The following MTOR variants were observed in gnomAD, a reference collection of about 807,000 sequenced individuals.
The protein encoded by MTOR is mechanistic target of rapamycin kinase, also known as serine/threonine-protein kinase mTOR.
A neutral mutation model predicts 319.8 loss-of-function variants in MTOR; 70 were observed. The ratio of observed to expected loss-of-function variants is 0.22; its 90% confidence interval spans 0.18 to 0.27. MTOR has a LOEUF of 0.27. MTOR is among the 10% of genes least tolerant of loss of function. The pLI, the probability that MTOR is intolerant of heterozygous loss-of-function variation, is 1.00. For missense variants in MTOR, 1,890 were observed against 3,274.4 expected, an observed-to-expected ratio of 0.58 and a Z score of 10.32; for synonymous variants, 1,183 against 1,211.4, an observed-to-expected ratio of 0.98 and a Z score of 0.49.
intron 29 of MTOR, among the ~76,000 whole-genome samples, chr1:11,163,480 A>G (rs1025455261): frequency 6.6e-6 from 1 of 152,230 alleles, no homozygotes; most frequent in Admixed American, 6.5e-5. Flanking sequence ...CAGAATATAC[A>G]TTCTTCTCAG....
At chr1:11,221,183 C>T (rs763235983) in intron 19 of MTOR, among the ~76,000 whole-genome samples, 14 of 151,796 alleles carry the variant, frequency 9.2e-5, no homozygotes, top group Non-Finnish European at 1.9e-4. Context: ...TTAGTAGAGA[C>T]GGGGTTTCGT....
At chr1:11,114,100 AT>A (rs1386899155) in intron 53 of MTOR, among the ~76,000 whole-genome samples, 2 of 152,170 alleles carry the variant, frequency 1.3e-5, no homozygotes, top group African/African-American at 4.8e-5. Context: ...TCTTTCCTTT[AT>A]AAATTACCCA....
At chr1:11,194,106 G>A (rs1030628288) in intron 28 of MTOR, among the ~76,000 whole-genome samples, 3 of 152,116 alleles carry the variant, frequency 2.0e-5, no homozygotes, top group African/African-American at 7.2e-5. Context: ...TACTGATACT[G>A]TTTGGGGACC....
intron 29 of MTOR, among the ~76,000 whole-genome samples, chr1:11,166,217 A>C (rs1022441898): frequency 6.6e-6 from 1 of 152,360 alleles, no homozygotes; most frequent in African/African-American, 2.4e-5. Flanking sequence ...CACCAAAAGC[A>C]ATGGCAACAA....
At chr1:11,152,622 G>A (rs1171462857) in intron 30 of MTOR, among the ~76,000 whole-genome samples, 1 of 152,066 alleles carries the variant, frequency 6.6e-6, no homozygotes, top group Non-Finnish European at 1.5e-5. Flanking sequence ...GGGCAGGGCA[G>A]GGGGTGCGGG....
chr1:11,243,030 C>T lies in MTOR; in HGVS notation c.1412+84G>A, dbSNP rs28730692. On this transcript the variant is annotated intron_variant, in intron 9 of 57. Coordinates refer to ENST00000361445, the MANE Select transcript of MTOR (RefSeq NM_004958.4). The stretch of plus-strand genomic sequence containing the variant: ...GGAGTTTAATGATGCAAAAAATGGG[C>T]GTAAGCTCCGTGGATCTGAAATAGA... 0.011 allele frequency: 16,494 copies of T among 1,491,538 alleles called. 599 individuals carry two copies. Among genetic ancestry groups the T allele is most frequent in the African/African-American group, 0.074 (5,248 of 71,244 alleles). The allele number at this position is 1,491,538 out of a possible 1,614,324, so 92.4% of individuals were successfully genotyped here.
chr1:11,257,200 G>C (rs1650508667), intron 3 of MTOR, 35 bp from the exon 4 acceptor site: 1 of 1,551,348 alleles, frequency 6.4e-7, no homozygotes, highest in East Asian at 2.3e-5. Flanking sequence ...GTGATGATGG[G>C]GCGTATGCTG....
chr1:11,258,435 G>T, intron 3 of MTOR, 50 bp downstream of exon 3: 1 of 1,281,770 alleles, frequency 7.8e-7, no homozygotes, highest in Non-Finnish European at 1.1e-6. Flanking sequence ...AGGGTGCAGT[G>T]GGCACAAAGG....
intron 28 of MTOR, among the ~76,000 whole-genome samples, chr1:11,191,578 T>G (rs1247131805): frequency 6.6e-6 from 1 of 152,192 alleles, no homozygotes; most frequent in Non-Finnish European, 1.5e-5. Context: ...TGCTCTTTGA[T>G]ATTTAGAATA....
At chr1:11,130,999 C>A in intron 38 of MTOR, 1 of 609,418 alleles carries the variant, frequency 1.6e-6, no homozygotes, top group Non-Finnish European at 2.8e-6. Context: ...GAGTGCACTG[C>A]GAGAAGGGCA....
chr1:11,166,219 T>G (rs1644639477), intron 29 of MTOR, among the ~76,000 whole-genome samples: 1 of 152,252 alleles, frequency 6.6e-6, no homozygotes, highest in South Asian at 2.1e-4. Flanking sequence ...CCAAAAGCAA[T>G]GGCAACAAAA....
At chr1:11,257,670 G>C (rs543320657) in intron 3 of MTOR, among the ~76,000 whole-genome samples, 1 of 151,270 alleles carries the variant, frequency 6.6e-6, no homozygotes, top group African/African-American at 2.4e-5. Context: ...TTTTAACCCA[G>C]ATATTTAATA....
chr1:11,250,147 C>T lies in MTOR; in HGVS notation c.841-2053G>A, dbSNP rs575873107. The stretch of plus-strand genomic sequence containing the variant: ...CCGGGCAGAGGCGCCCCTCACCTCC[C>T]GGACAGGGCGGCTGGCCGGGCGGGG... On this transcript the variant is annotated intron_variant, in intron 6 of 57. Transcript: ENST00000361445. Among the ~76,000 whole-genome samples the T allele has an allele frequency of 3.4e-3, 464 of 137,042 alleles. 7 individuals carry two copies. Among genetic ancestry groups the T allele is most frequent in the African/African-American group, 0.012 (440 of 37,254 alleles). The allele number at this position is 137,042 out of a possible 152,430, so 89.9% of individuals were successfully genotyped here.
At chr1:11,246,403 G>A (rs770091017) in intron 8 of MTOR, among the ~76,000 whole-genome samples, 5 of 152,170 alleles carry the variant, frequency 3.3e-5, no homozygotes, top group South Asian at 2.1e-4. Context: ...CAGCCTGTCT[G>A]GTCATTAAAA....
At chr1:11,229,611 G>A (rs1398840602) in intron 18 of MTOR, among the ~76,000 whole-genome samples, 2 of 152,192 alleles carry the variant, frequency 1.3e-5, no homozygotes, top group Non-Finnish European at 2.9e-5. Context: ...GAAGAAATGT[G>A]AAGCAATATG....
intron 8 of MTOR, among the ~76,000 whole-genome samples, chr1:11,244,423 A>T (rs1355225199): frequency 6.6e-6 from 1 of 152,128 alleles, no homozygotes; most frequent in Non-Finnish European, 1.5e-5. Context: ...GCCTGAGCTC[A>T]GGAGTTTGAG....
chr1:11,239,139 G>A (rs1309105951), intron 11 of MTOR, among the ~76,000 whole-genome samples: 1 of 152,100 alleles, frequency 6.6e-6, no homozygotes, highest in Non-Finnish European at 1.5e-5. Flanking sequence ...AGGGGGTGGT[G>A]AAGGAGCAAA....
intron 39 of MTOR, 33 bp downstream of exon 39, chr1:11,130,496 G>T (rs2100428865): frequency 1.3e-6 from 2 of 1,599,454 alleles, no homozygotes; most frequent in Non-Finnish European, 1.7e-6. Flanking sequence ...TGGCACCTTG[G>T]TTGGTTGTTA....
intron 52 of MTOR, 89 bp from the exon 53 acceptor site, chr1:11,114,542 G>A (rs2100319191): frequency 6.5e-7 from 1 of 1,543,016 alleles, no homozygotes; most frequent in Non-Finnish European, 8.9e-7. Context: ...CACTTAGGAA[G>A]CAGACACAGG....
Sources: allele counts gnomAD v4.1 joint callset (sites outside exome capture counted in the v4.1 genomes callset), GRCh38; gene constraint gnomAD v4.1.1; transcripts MANE v1.5; gene names NCBI Gene and HGNC (gene_info 2026-07-23, HGNC 2026-07-21).